Variants in EPM2A observed in about 807,000 individuals in gnomAD.
The protein encoded by EPM2A is laforin.
In EPM2A, 21 loss-of-function variants were observed where a neutral mutation model predicts 26.5. That is an observed-to-expected ratio of 0.79 (90% CI 0.56 to 1.14). The LOEUF (loss-of-function observed/expected upper bound fraction) is 1.14, where lower values mean the gene tolerates loss of function less well. Ranked by LOEUF, EPM2A falls within the 50% of genes most tolerant of loss-of-function variation. The probability of loss-of-function intolerance (pLI) is 0.00; values close to 1 mark genes in which losing one functional copy is unlikely to be tolerated. For synonymous variants in EPM2A, 217 were observed against 177.6 expected (o/e 1.22, Z -1.76); for missense variants, 458 against 440.8 (o/e 1.04, Z -0.35).
rs71028346 is a variant in EPM2A, at chr6:145,425,116, CCCTTCCTTCCTTCCTT to C, written c.556-41035_556-41020del. On this transcript the variant is annotated intron_variant, in intron 4 of 4. Coordinates refer to the EPM2A transcript ENST00000638717. ...AATTAGTAGCTTTGGATGTAAGTCTCCCTTCCTTCCTTCCTTCCTTCCTTCCTTCCTTCCTTCCTTC... is the reference window on the plus strand; with the variant it reads ...AATTAGTAGCTTTGGATGTAAGTCTCCCTTCCTTCCTTCCTTCCTTCCTTC... Among the ~76,000 whole-genome samples, 463 of 131,932 alleles carry C rather than the reference CCCTTCCTTCCTTCCTT, an allele frequency of 3.5e-3. 10 individuals carry two copies. In the East Asian group the frequency reaches 0.06, roughly 17 times the overall value. The allele number at this position is 131,932 out of a possible 152,430, so 86.6% of individuals were successfully genotyped here.
intron 2 of EPM2A, among the ~76,000 whole-genome samples, chr6:145,668,127 C>A (rs1324343812): frequency 6.7e-6 from 1 of 148,972 alleles, no homozygotes; most frequent in Non-Finnish European, 1.5e-5. Flanking sequence ...AACTAACCTG[C>A]ACAATGTGCA....
At chr6:145,521,556 G>A (rs1329265385) in intron 2 of EPM2A, among the ~76,000 whole-genome samples, 1 of 152,224 alleles carries the variant, frequency 6.6e-6, no homozygotes, top group Non-Finnish European at 1.5e-5. Flanking sequence ...TATCAAGTAA[G>A]TATAATGAAG....
chr6:145,532,909 C>G (rs964392837), intron 2 of EPM2A, among the ~76,000 whole-genome samples: 1 of 152,146 alleles, frequency 6.6e-6, no homozygotes, highest in Non-Finnish European at 1.5e-5. Flanking sequence ...TTTAGACTAC[C>G]TATCTAGTTA....
At chr6:145,555,008 C>T (rs1267914675) in intron 2 of EPM2A, among the ~76,000 whole-genome samples, 1 of 152,038 alleles carries the variant, frequency 6.6e-6, no homozygotes, top group African/African-American at 2.4e-5. Flanking sequence ...ATCTGCTTTA[C>T]TCAAAATCTA....
chr6:145,703,311 T>A (rs554257860), intron 1 of EPM2A, among the ~76,000 whole-genome samples: 26 of 152,222 alleles, frequency 1.7e-4, no homozygotes, highest in African/African-American at 6.3e-4. Flanking sequence ...CAGGGTGGTC[T>A]CGATCTCCTG....
At chr6:145,440,240 A>C (rs1779044776) in intron 4 of EPM2A, among the ~76,000 whole-genome samples, 1 of 152,194 alleles carries the variant, frequency 6.6e-6, no homozygotes, top group Admixed American at 6.5e-5. Flanking sequence ...GAGCCAAGTG[A>C]AAGAGGTTTC....
At position 145,571,068 on chromosome 6, in the gene EPM2A, G is replaced by A. The variant is rs992654046; in HGVS notation, c.340+64177C>T. Among the ~76,000 whole-genome samples the A allele has an allele frequency of 2.6e-5, 4 of 152,166 alleles. No individual in the cohort carries two copies. In the East Asian group the frequency reaches 7.7e-4, roughly 29 times the overall value. Reference sequence around the variant, plus strand: ...GACCTCTAGGCCAGCAGAGCATAATGTCACGGGAAAAAGAAGCAAACATTT... The same window carrying A: ...GACCTCTAGGCCAGCAGAGCATAATATCACGGGAAAAAGAAGCAAACATTT... On this transcript the variant is annotated intron_variant, in intron 2 of 3. Coordinates refer to the EPM2A transcript ENST00000450221.
chr6:145,568,317 T>A (rs947453328), intron 2 of EPM2A, among the ~76,000 whole-genome samples: 35 of 143,072 alleles, frequency 2.4e-4, no homozygotes, highest in African/African-American at 8.7e-4. Flanking sequence ...ACCCAGGACA[T>A]CTGACTTTTT....
chr6:145,634,043 G>T (rs994663044), intron 3 of EPM2A, among the ~76,000 whole-genome samples: 1 of 152,154 alleles, frequency 6.6e-6, no homozygotes, highest in Non-Finnish European at 1.5e-5. Context: ...AATTGCTTAG[G>T]AGAGTGTTTT....
At chr6:145,649,522 A>C (rs191348733) in intron 2 of EPM2A, among the ~76,000 whole-genome samples, 1 of 152,346 alleles carries the variant, frequency 6.6e-6, no homozygotes, top group African/African-American at 2.4e-5. Flanking sequence ...GTAACACGTC[A>C]AAAATATGTT....
At chr6:145,664,691 C>A (rs139549546) in intron 2 of EPM2A, among the ~76,000 whole-genome samples, 3 of 152,110 alleles carry the variant, frequency 2.0e-5, no homozygotes, top group Non-Finnish European at 2.9e-5. Context: ...ACTCTCCACC[C>A]CAAATCGACA....
At chr6:145,465,671 T>C (rs1030884744) in intron 4 of EPM2A, among the ~76,000 whole-genome samples, 1 of 152,002 alleles carries the variant, frequency 6.6e-6, no homozygotes, top group Non-Finnish European at 1.5e-5. Context: ...TTCTGTTTGT[T>C]AGTTTTCCTT....
At chr6:145,516,889 T>A (rs1192098786) in intron 2 of EPM2A, among the ~76,000 whole-genome samples, 1 of 152,212 alleles carries the variant, frequency 6.6e-6, no homozygotes, top group Non-Finnish European at 1.5e-5. Flanking sequence ...AAGAAATATC[T>A]GCACTTTCAT....
chr6:145,523,384 A>G (rs1780229518), intron 2 of EPM2A, among the ~76,000 whole-genome samples: 1 of 152,196 alleles, frequency 6.6e-6, no homozygotes, highest in South Asian at 2.1e-4. Context: ...TCAACCCTGC[A>G]TTTAGAAAGT....
At chr6:145,493,183 C>G (rs1779776539) in intron 4 of EPM2A, among the ~76,000 whole-genome samples, 1 of 152,212 alleles carries the variant, frequency 6.6e-6, no homozygotes, top group Non-Finnish European at 1.5e-5. Context: ...GCCACAGTAC[C>G]ACTAATTTCT....
Position 145,489,851 on chromosome 6 carries a change from C to T in EPM2A, c.555+12671G>A. ...AGTTCAGTTTGTACTTCCACTGGCA[C>T]CTGATTTATCCATTCAAAGTGAAGC... On this transcript the variant is annotated intron_variant, in intron 4 of 4. Transcript: ENST00000638717. 8 of 1,434,416 alleles carry T rather than the reference C, an allele frequency of 5.6e-6. No individual in the cohort carries two copies. The South Asian group carries it at 9.2e-5, about 16-fold the overall frequency. 88.9% of individuals were successfully genotyped at this position (1,434,416 alleles called of 1,614,324 possible). A position where few individuals can be genotyped will look rare whatever the true frequency, so the allele number is the denominator to read the frequency against.
chr6:145,709,344 T>C (rs925548504), intron 1 of EPM2A, among the ~76,000 whole-genome samples: 44 of 152,162 alleles, frequency 2.9e-4, no homozygotes, highest in African/African-American at 1.1e-3. Flanking sequence ...ATAATTCCCA[T>C]ATCTCATGGG....
chr6:145,421,354 T>C (rs1179607116), intron 4 of EPM2A, among the ~76,000 whole-genome samples: 2 of 152,130 alleles, frequency 1.3e-5, no homozygotes, highest in East Asian at 1.9e-4. Flanking sequence ...CTTTTTTTCA[T>C]GGTGTTGCAT....
intron 1 of EPM2A, among the ~76,000 whole-genome samples, chr6:145,697,123 G>A (rs748454736): frequency 1.3e-4 from 20 of 152,046 alleles, no homozygotes; most frequent in Non-Finnish European, 2.4e-4. Flanking sequence ...ATTTCACGTA[G>A]GTTCTTTTCT....
Sources: gnomAD v4.1 joint callset for allele counts (sites outside exome capture counted in the v4.1 genomes callset) on GRCh38, gnomAD v4.1.1 for gene constraint, MANE v1.5 for transcripts, NCBI Gene and HGNC (gene_info 2026-07-23, HGNC 2026-07-21) for gene names.